ANKFN1: variants seen among roughly 807,000 people sequenced by gnomAD.
ANKFN1 encodes the protein ankyrin repeat and fibronectin type III domain containing 1, also known as ankyrin repeat and fibronectin type-III domain-containing protein 1.
In ANKFN1, 74 loss-of-function variants were observed where a neutral mutation model predicts 108.7. That is an observed-to-expected ratio of 0.68 (90% CI 0.56 to 0.83). ANKFN1 has a LOEUF of 0.83. Ranked by LOEUF, ANKFN1 falls within the 40% of genes least tolerant of loss-of-function variation. The pLI, the probability that ANKFN1 is intolerant of heterozygous loss-of-function variation, is 0.00. For missense variants in ANKFN1, 1,505 were observed against 1,382.3 expected (o/e 1.09, Z -1.41); for synonymous variants, 547 against 516.2 (o/e 1.06, Z -0.81).
intron 4 of ANKFN1, among the ~76,000 whole-genome samples, chr17:56,095,334 C>T (rs1025505102): frequency 4.0e-5 from 6 of 148,868 alleles, no homozygotes; most frequent in Non-Finnish European, 4.5e-5. Context: ...TTCAGGGTCT[C>T]AGGCTAAAGG....
chr17:56,377,070 T>C (rs1039652811), intron 8 of ANKFN1, among the ~76,000 whole-genome samples: 4 of 152,170 alleles, frequency 2.6e-5, no homozygotes, highest in African/African-American at 7.2e-5. Context: ...ATTATCTAAT[T>C]GGTTAGAGGG....
At chr17:56,262,261 G>A (rs2043532428) in intron 3 of ANKFN1, among the ~76,000 whole-genome samples, 1 of 152,134 alleles carries the variant, frequency 6.6e-6, no homozygotes, top group African/African-American at 2.4e-5. Context: ...CCTTCCATCT[G>A]GGGCATCCTG....
chr17:56,437,036 A>G (rs2048954231), intron 8 of ANKFN1, among the ~76,000 whole-genome samples: 1 of 152,302 alleles, frequency 6.6e-6, no homozygotes, highest in South Asian at 2.1e-4. Context: ...CCATTCTAAC[A>G]TGGAGAATTG....
chr17:56,510,841 C>T lies in ANKFN1; in HGVS notation c.3013C>T (p.His1005Tyr), dbSNP rs983881473. The change falls in exon 21 of 21, where the codon CAC becomes TAC. Residue 1005 changes from histidine (H) to tyrosine (Y), a missense_variant. Physicochemically the swap from His to Tyr is moderately conservative, Grantham distance 83. Coordinates refer to ENST00000682825, the MANE Select transcript of ANKFN1 (RefSeq NM_001370326.1). Reference sequence around the variant, plus strand: ...CCTGGGAAAGCGGAAGCCAGGCAAGCACCCCCACTATGGCGGCTTCAGCCG... The same window carrying T: ...CCTGGGAAAGCGGAAGCCAGGCAAGTACCCCCACTATGGCGGCTTCAGCCG... ...GFLGKRKPGK[H>Y]PHYGGFSRHH... 2 of 1,536,190 alleles carry T rather than the reference C, an allele frequency of 1.3e-6. No homozygotes were observed. Among genetic ancestry groups the T allele is most frequent in the Non-Finnish European group, 1.7e-6 (2 of 1,146,924 alleles).
intron 11 of ANKFN1, among the ~76,000 whole-genome samples, chr17:56,452,230 T>A (rs1361965646): frequency 6.6e-6 from 1 of 152,194 alleles, no homozygotes; most frequent in East Asian, 1.9e-4. Flanking sequence ...GGGCTAGACA[T>A]GCCAACATGA....
intron 8 of ANKFN1, among the ~76,000 whole-genome samples, chr17:56,407,069 G>T (rs2047944218): frequency 6.6e-5 from 10 of 152,160 alleles, no homozygotes; most frequent in Admixed American, 6.5e-4. Flanking sequence ...TAGCTCAGGG[G>T]TTCCAAAAAT....
chr17:56,338,829 T>C (rs2045886517), intron 4 of ANKFN1, among the ~76,000 whole-genome samples: 1 of 151,958 alleles, frequency 6.6e-6, no homozygotes, highest in Non-Finnish European at 1.5e-5. Flanking sequence ...AATGGGCAAG[T>C]TAGTGAAAAC....
At chr17:56,318,241 G>C (rs575620274) in intron 3 of ANKFN1, among the ~76,000 whole-genome samples, 3 of 151,916 alleles carry the variant, frequency 2.0e-5, no homozygotes, top group Non-Finnish European at 2.9e-5. Flanking sequence ...AATGGTTCTG[G>C]GGGGGGTGTG....
Position 56,442,877 on chromosome 17 carries a change from A to G in ANKFN1, c.1043A>G (p.Asn348Ser). Residue 348 changes from asparagine (N) to serine (S), a missense_variant, in exon 10 of 21, where the codon AAT (asparagine) becomes AGT (serine). Coordinates refer to ENST00000682825, the MANE Select transcript of ANKFN1 (RefSeq NM_001370326.1). ...TATTTTGTTCAAGTCTCGGCTTACA[A>G]TATGAAAGGATGGGGACCTGCTCAG... ...QQYFVQVSAY[N>S]MKGWGPAQTT... 1.2e-6 allele frequency: 2 copies of G among 1,613,826 alleles called. No homozygotes were observed. The highest frequency in any genetic ancestry group is 1.7e-6 in the Non-Finnish European group (2 of 1,179,774).
intron 4 of ANKFN1, among the ~76,000 whole-genome samples, chr17:56,147,056 A>G (rs946879170): frequency 3.3e-5 from 5 of 152,206 alleles, no homozygotes; most frequent in Admixed American, 2.6e-4. Flanking sequence ...AAATGGCACC[A>G]GTCTCTTTGC....
intron 4 of ANKFN1, among the ~76,000 whole-genome samples, chr17:56,140,668 G>A (rs1316372751): frequency 1.3e-5 from 2 of 152,098 alleles, no homozygotes; most frequent in Non-Finnish European, 2.9e-5. Context: ...TTCTAATAAT[G>A]CCTGCATCAT....
chr17:56,479,231 T>C (rs1264673375), intron 16 of ANKFN1, among the ~76,000 whole-genome samples: 1 of 152,216 alleles, frequency 6.6e-6, no homozygotes, highest in Non-Finnish European at 1.5e-5. Context: ...CTCTGTCAGT[T>C]CCATCTCCTT....
intron 4 of ANKFN1, among the ~76,000 whole-genome samples, chr17:56,091,220 A>G (rs1402752520): frequency 1.3e-5 from 2 of 151,228 alleles, no homozygotes; most frequent in Admixed American, 6.6e-5. Flanking sequence ...GAAGTTGGTA[A>G]ATGGTTCAAC....
intron 8 of ANKFN1, among the ~76,000 whole-genome samples, chr17:56,436,068 A>T (rs981994207): frequency 2.0e-5 from 3 of 152,022 alleles, no homozygotes; most frequent in African/African-American, 7.2e-5. Flanking sequence ...TTTTCATTTT[A>T]ATCTTCCAGC....
At chr17:56,400,888 G>A (rs781160832) in intron 8 of ANKFN1, among the ~76,000 whole-genome samples, 1 of 151,866 alleles carries the variant, frequency 6.6e-6, no homozygotes, top group African/African-American at 2.4e-5. Flanking sequence ...GTCAAAAATC[G>A]GTTGGCTGTA....
upstream of ANKFN1, among the ~76,000 whole-genome samples, chr17:56,152,260 ATATGTGTG>A (rs1555601236): frequency 0.042 from 5,339 of 128,562 alleles, 123 homozygotes; most frequent in Non-Finnish European, 0.053. Flanking sequence ...ATATATATAT[ATATGTGTG>A]TGTGTGTGTG....
intron 6 of ANKFN1, among the ~76,000 whole-genome samples, chr17:56,364,321 C>A (rs1379948786): frequency 6.6e-6 from 1 of 152,022 alleles, no homozygotes; most frequent in Admixed American, 6.6e-5. Context: ...CCAAAAATAA[C>A]ATAAAATATA....
chr17:56,160,837 A>G (rs1201734563), intron 1 of ANKFN1, among the ~76,000 whole-genome samples: 1 of 152,200 alleles, frequency 6.6e-6, no homozygotes, highest in Non-Finnish European at 1.5e-5. Context: ...CAGTAATGAT[A>G]CCTTAGAGGT....
chr17:56,148,235 T>C (rs1908383226), intron 4 of ANKFN1, among the ~76,000 whole-genome samples: 1 of 152,210 alleles, frequency 6.6e-6, no homozygotes, highest in South Asian at 2.1e-4. Context: ...TGGCATCCAC[T>C]TAAATGGAAA....
Sources: allele counts gnomAD v4.1 joint callset (sites outside exome capture counted in the v4.1 genomes callset), GRCh38; gene constraint gnomAD v4.1.1; transcripts MANE v1.5; gene names NCBI Gene and HGNC (gene_info 2026-07-23, HGNC 2026-07-21).